FAM13A: variants seen among roughly 807,000 people sequenced by gnomAD.
FAM13A encodes the protein protein FAM13A.
In FAM13A, 76 loss-of-function variants were observed where a neutral mutation model predicts 129.6. The observed-to-expected ratio is 0.59, with a 90% confidence interval of 0.49 to 0.71. FAM13A has a LOEUF of 0.71. FAM13A is among the 30% of genes least tolerant of loss of function. The probability of loss-of-function intolerance (pLI) is 0.00; values close to 1 mark genes in which losing one functional copy is unlikely to be tolerated. For missense variants in FAM13A, 1,108 were observed against 1,249.3 expected (o/e 0.89, Z 1.70); for synonymous variants, 443 against 449.9 (o/e 0.98, Z 0.20).
intron 4 of FAM13A, among the ~76,000 whole-genome samples, chr4:88,950,208 CTT>C (rs11364634): frequency 0.011 from 1,584 of 143,286 alleles, 26 homozygotes; most frequent in African/African-American, 0.031. Context: ...AAAAATCAGG[CTT>C]TTTTTTTTTT....
At chr4:88,862,795 T>C (rs1739708317) in intron 6 of FAM13A, among the ~76,000 whole-genome samples, 1 of 152,000 alleles carries the variant, frequency 6.6e-6, no homozygotes, top group South Asian at 2.1e-4. Context: ...TAAAAATAAA[T>C]AAACAATAAT....
intron 3 of FAM13A, among the ~76,000 whole-genome samples, chr4:89,000,235 T>C (rs1441001000): frequency 6.6e-6 from 1 of 152,178 alleles, no homozygotes; most frequent in African/African-American, 2.4e-5. Context: ...CACAAAAACT[T>C]GTACATAAAT....
rs535976290 is a variant in FAM13A at position 88,967,529 on chromosome 4, C to T, written c.605+23444G>A. On this transcript the variant is annotated intron_variant, in intron 4 of 23. Transcript: ENST00000264344. The stretch of plus-strand genomic sequence containing the variant: ...TTTTAACTCTTGTAGTGGGTAGCTG[C>T]AAATATATTCAGGGTCTTCATATTT... 2.2e-4 allele frequency among the ~76,000 whole-genome samples: 33 copies of T among 152,272 alleles called. No homozygotes were observed. In the South Asian group the frequency reaches 6.4e-3, roughly 30 times the overall value.
rs13130 is a variant in FAM13A at position 88,727,694 on chromosome 4, A to G, written c.*839T>C. 0.19 allele frequency: 29,110 copies of G among 152,202 alleles called. 3,740 individuals carry two copies. The highest frequency in any genetic ancestry group is 0.37 in the South Asian group (1,787 of 4,828). The allele number at this position is 152,202 out of a possible 1,614,324, so 9.4% of individuals were successfully genotyped here. A position where few individuals can be genotyped will look rare whatever the true frequency, so the allele number is the denominator to read the frequency against. Reference sequence around the variant, plus strand: ...CCAAACAGATTGCCATGAGCATGCTAGCCTGGCTTGGTGTTTGACGATAAA... The same window carrying G: ...CCAAACAGATTGCCATGAGCATGCTGGCCTGGCTTGGTGTTTGACGATAAA... On this transcript the variant is annotated 3_prime_UTR_variant, in exon 24 of 24. Coordinates refer to ENST00000264344, the MANE Select transcript of FAM13A (RefSeq NM_014883.4).
intron 6 of FAM13A, among the ~76,000 whole-genome samples, chr4:88,895,577 A>C (rs1291643993): frequency 6.7e-6 from 1 of 149,824 alleles, no homozygotes; most frequent in African/African-American, 2.5e-5. Context: ...TTACAAGAAA[A>C]AAACAAACAA....
chr4:88,746,805 C>A (rs979258808), intron 19 of FAM13A, 127 bp downstream of exon 19: 3 of 660,586 alleles, frequency 4.5e-6, no homozygotes, highest in African/African-American at 3.6e-5. Flanking sequence ...TATATACTAA[C>A]CTCCTTTATC....
chr4:88,918,515 T>C (rs1190386568), intron 5 of FAM13A, among the ~76,000 whole-genome samples: 1 of 152,226 alleles, frequency 6.6e-6, no homozygotes, highest in Non-Finnish European at 1.5e-5. Context: ...CTGCACAGAA[T>C]ACTGCCTCTC....
intron 4 of FAM13A, among the ~76,000 whole-genome samples, chr4:88,945,420 T>A (rs1415416151): frequency 6.6e-6 from 1 of 152,174 alleles, no homozygotes; most frequent in Non-Finnish European, 1.5e-5. Flanking sequence ...TTTCCCAAGA[T>A]GCATGGAATG....
intron 6 of FAM13A, among the ~76,000 whole-genome samples, chr4:88,902,786 C>A (rs915223210): frequency 3.3e-5 from 5 of 151,958 alleles, no homozygotes; most frequent in African/African-American, 9.7e-5. Context: ...AAGAAATAAA[C>A]CGTATTCAAA....
chr4:88,972,766 C>T (rs1290710309), intron 4 of FAM13A, among the ~76,000 whole-genome samples: 1 of 152,106 alleles, frequency 6.6e-6, no homozygotes, highest in Non-Finnish European at 1.5e-5. Flanking sequence ...ACCATCACAC[C>T]TGGCTAATTT....
chr4:88,744,491 C>T (rs996726028), intron 19 of FAM13A, among the ~76,000 whole-genome samples: 22 of 152,162 alleles, frequency 1.4e-4, no homozygotes, highest in African/African-American at 4.1e-4. Flanking sequence ...TGTACAGAAG[C>T]GGCTGATTAC....
At chr4:88,915,068 T>A (rs551717085) in intron 5 of FAM13A, among the ~76,000 whole-genome samples, 1 of 152,308 alleles carries the variant, frequency 6.6e-6, no homozygotes, top group East Asian at 1.9e-4. Flanking sequence ...AATACTGATA[T>A]GATTACAAAT....
intron 8 of FAM13A, among the ~76,000 whole-genome samples, chr4:88,800,710 GA>G (rs527627636): frequency 3.5e-4 from 46 of 129,768 alleles, no homozygotes; most frequent in African/African-American, 8.7e-4. Context: ...AAAAAAAAAA[GA>G]AAAAAAAAAG....
intron 21 of FAM13A, among the ~76,000 whole-genome samples, chr4:88,733,468 CTTTT>C (rs1738311980): frequency 6.6e-6 from 1 of 151,356 alleles, no homozygotes; most frequent in African/African-American, 2.5e-5. Context: ...GAATACGTTT[CTTTT>C]TGTTTTAGTA....
At chr4:88,787,384 T>A (rs1724181632) in intron 10 of FAM13A, among the ~76,000 whole-genome samples, 1 of 152,086 alleles carries the variant, frequency 6.6e-6, no homozygotes. Context: ...GTCTAAATAG[T>A]CAACTTAATG....
chr4:89,040,916 G>A (rs1770030516), intron 1 of FAM13A, among the ~76,000 whole-genome samples: 1 of 152,150 alleles, frequency 6.6e-6, no homozygotes, highest in Admixed American at 6.5e-5. Context: ...GACTAGACTG[G>A]CTGAGTCTTC....
At chr4:88,921,006 G>T (rs1021101181) in intron 5 of FAM13A, among the ~76,000 whole-genome samples, 33 of 151,994 alleles carry the variant, frequency 2.2e-4, no homozygotes, top group African/African-American at 8.0e-4. Flanking sequence ...AGAGAAAAAA[G>T]AATAAAAAGA....
rs560933933 is a variant in FAM13A at position 88,967,403 on chromosome 4, T to C, written c.605+23570A>G. Among the ~76,000 whole-genome samples, 112 of 152,350 alleles carry C rather than the reference T, an allele frequency of 7.4e-4. 1 individual carries two copies. Among genetic ancestry groups the C allele is most frequent in the African/African-American group, 2.7e-3 (111 of 41,592 alleles). On this transcript the variant is annotated intron_variant, in intron 4 of 23. Coordinates refer to ENST00000264344, the MANE Select transcript of FAM13A (RefSeq NM_014883.4). ...TATTTAATTTTTTAAATGAGAGCTTTCCCATGACAATCATTATTTTATATG... is the reference window on the plus strand; with the variant it reads ...TATTTAATTTTTTAAATGAGAGCTTCCCCATGACAATCATTATTTTATATG...
chr4:88,847,693 G>T (rs1011560357), intron 7 of FAM13A, among the ~76,000 whole-genome samples: 2 of 152,188 alleles, frequency 1.3e-5, no homozygotes, highest in African/African-American at 4.8e-5. Flanking sequence ...CCAGCACTTT[G>T]GGAGGCCGAG....
Sources: gnomAD v4.1 joint callset for allele counts (sites outside exome capture counted in the v4.1 genomes callset) on GRCh38, gnomAD v4.1.1 for gene constraint, MANE v1.5 for transcripts, NCBI Gene and HGNC (gene_info 2026-07-23, HGNC 2026-07-21) for gene names.